LRP4: variants seen among roughly 807,000 people sequenced by gnomAD.
LRP4 encodes LDL receptor related protein 4.
In LRP4, 95 loss-of-function variants were observed where a neutral mutation model predicts 220.3. The observed-to-expected ratio is 0.43, with a 90% CI of 0.37 to 0.51. The LOEUF is 0.51. Among genes scored for constraint, LRP4 ranks in the 20% least tolerant of loss-of-function variants. The pLI, the probability that LRP4 is intolerant of heterozygous loss-of-function variation, is 0.00. For missense variants in LRP4, 1,925 were observed against 2,567.0 expected, an observed-to-expected ratio of 0.75 and a Z score of 5.40; for synonymous variants, 903 against 954.6, an observed-to-expected ratio of 0.95 and a Z score of 1.00.
chr11:46,896,499 A>G (rs909205946), intron 8 of LRP4, among the ~76,000 whole-genome samples, 164 bp from the exon 9 acceptor site: 2 of 152,212 alleles, frequency 1.3e-5, no homozygotes, highest in African/African-American at 2.4e-5. Flanking sequence ...GAATGTCTGC[A>G]TTTGCTTTCT....
intron 22 of LRP4, 122 bp from the exon 23 acceptor site, chr11:46,877,461 GTTAT>G: frequency 1.9e-6 from 2 of 1,042,950 alleles, no homozygotes; most frequent in Non-Finnish European, 2.9e-6. Context: ...TTCTAGGCAA[GTTAT>G]TTAAATTATT....
intron 22 of LRP4, 25 bp from the exon 23 acceptor site, chr11:46,877,364 G>T (rs1322923818): frequency 6.2e-7 from 1 of 1,613,568 alleles, no homozygotes; most frequent in African/African-American, 1.3e-5. Flanking sequence ...GGAGGGAAGA[G>T]GATCACTCGA....
chr11:46,867,144 A>G (rs1306197600), intron 34 of LRP4, among the ~76,000 whole-genome samples: 1 of 152,136 alleles, frequency 6.6e-6, no homozygotes, highest in Non-Finnish European at 1.5e-5. Context: ...CTTTAATTTA[A>G]TGAAATAAGA....
At chr11:46,917,415 C>T (rs1052509060) in intron 1 of LRP4, among the ~76,000 whole-genome samples, 2 of 152,150 alleles carry the variant, frequency 1.3e-5, no homozygotes, top group African/African-American at 4.8e-5. Flanking sequence ...CGGGGTGCAC[C>T]CAGGGTCGTT....
At position 46,899,837 on chromosome 11, in the gene LRP4, T is replaced by C. The variant is rs1051023162; in HGVS notation, c.430+26A>G. 6.2e-7 allele frequency: 1 copy of C among 1,604,338 alleles called. No individual in the cohort carries two copies. Among genetic ancestry groups the C allele is most frequent in the Admixed American group, 1.7e-5 (1 of 60,026 alleles). On this transcript the variant is annotated intron_variant, in intron 4 of 37. Transcript: ENST00000378623. This position sits in a 1 kb window ranked among gnomAD's most constrained non-coding sequence, Gnocchi z 5.9. The stretch of plus-strand genomic sequence containing the variant: ...CAGGCCACCCACTGGCCACCTTGCC[T>C]GCCTTCCCCCGTTGGGGTCACCCAC...
intron 19 of LRP4, among the ~76,000 whole-genome samples, 177 bp from the exon 20 acceptor site, chr11:46,882,080 T>A (rs537643469): frequency 6.6e-6 from 1 of 152,230 alleles, no homozygotes; most frequent in South Asian, 2.1e-4. Flanking sequence ...TTGTCTTCTA[T>A]TACTATCAAA....
chr11:46,865,566 G>A (rs1317508649), intron 34 of LRP4, among the ~76,000 whole-genome samples: 1 of 152,150 alleles, frequency 6.6e-6, no homozygotes, highest in Non-Finnish European at 1.5e-5. Flanking sequence ...ATTATCACAA[G>A]AGCTAAATAT....
At position 46,889,428 on chromosome 11, in the gene LRP4, C is replaced by T. The variant is rs1185594206; in HGVS notation, c.2198G>A (p.Ser733Asn). The T allele has an allele frequency of 1.2e-6, 2 of 1,614,136 alleles. No homozygotes were observed. The highest frequency in any genetic ancestry group is 1.7e-6 in the Non-Finnish European group (2 of 1,180,042). ...CCACTTACTCTGGGCACAGGCGTGG[C>T]TGCTGATCTTGCGGAAGCCAGTGGG... is the stretch of plus-strand genomic sequence containing the variant. ...ACPTGFRKIS[S>N]HACAQSLDKF... Residue 733 changes from serine to asparagine, a missense_variant, in exon 16 of 38, where the codon AGC becomes AAC. Ser to Asn is a conservative substitution (Grantham distance 46). This residue lies in a region of LRP4 where 1,244 missense variants were observed against 1,624.9 expected (regional missense o/e 0.77). Transcript: ENST00000378623.
chr11:46,898,388 G>A (rs1941588331), intron 7 of LRP4, among the ~76,000 whole-genome samples, 170 bp downstream of exon 7: 1 of 152,168 alleles, frequency 6.6e-6, no homozygotes, highest in East Asian at 1.9e-4. Context: ...GTTTAACCAT[G>A]TTACCCAGGC....
chr11:46,859,659 A>G (rs1353864240), intron 37 of LRP4, among the ~76,000 whole-genome samples: 1 of 152,136 alleles, frequency 6.6e-6, no homozygotes, highest in African/African-American at 2.4e-5. Context: ...CAGTATCCAC[A>G]CCTCACAACC....
chr11:46,905,371 G>T (rs973588095), intron 1 of LRP4, among the ~76,000 whole-genome samples: 1 of 152,150 alleles, frequency 6.6e-6, no homozygotes, highest in Admixed American at 6.5e-5. Flanking sequence ...GGGACTCCCC[G>T]GTACACAGAT....
Position 46,918,150 on chromosome 11 carries a change from G to A in LRP4, c.52+178C>T, listed in dbSNP as rs1343991299. Among the ~76,000 whole-genome samples, 2 of 151,824 alleles carry A rather than the reference G, an allele frequency of 1.3e-5. No homozygotes were observed. The highest frequency in any genetic ancestry group is 2.0e-4 in the East Asian group (1 of 5,082). On this transcript the variant is annotated intron_variant, in intron 1 of 37. Coordinates refer to ENST00000378623, the MANE Select transcript of LRP4 (RefSeq NM_002334.4). This position sits in a 1 kb window ranked among gnomAD's most constrained non-coding sequence, Gnocchi z 6.0. The stretch of plus-strand genomic sequence containing the variant: ...CGGAAGCGCCTCCGCTGATGCCCCC[G>A]CTCGGACTGCTGGAGCCGGGGCCGC...
chr11:46,885,275 G>C (rs1465639960), intron 18 of LRP4, among the ~76,000 whole-genome samples: 1 of 152,124 alleles, frequency 6.6e-6, no homozygotes, highest in Non-Finnish European at 1.5e-5. Flanking sequence ...AGGATTATAG[G>C]TGTGAGCCAC....
chr11:46,898,836 G>A, intron 6 of LRP4, 68 bp downstream of exon 6: 2 of 1,610,718 alleles, frequency 1.2e-6, no homozygotes, highest in Non-Finnish European at 1.7e-6. Context: ...GCTGGCGACT[G>A]TGCCTTGCCA....
At chr11:46,888,726 G>A (rs939878091) in intron 16 of LRP4, among the ~76,000 whole-genome samples, 1 of 152,126 alleles carries the variant, frequency 6.6e-6, no homozygotes, top group Admixed American at 6.5e-5. Context: ...GGGTCAGTGG[G>A]GTACACAGCA....
chr11:46,894,564 C>T (rs1213831256), intron 12 of LRP4, 25 bp downstream of exon 12: 4 of 1,561,174 alleles, frequency 2.6e-6, no homozygotes, highest in Admixed American at 3.7e-5. Flanking sequence ...GGCTCTGCCC[C>T]TCTCCATGGG....
chr11:46,917,822 C>T (rs1305680161), intron 1 of LRP4, among the ~76,000 whole-genome samples: 1 of 152,124 alleles, frequency 6.6e-6, no homozygotes, highest in Non-Finnish European at 1.5e-5. Context: ...AATCGTTCTC[C>T]GAGTAGAGGA....
rs1399408640 is a variant in LRP4, at chr11:46,898,953, G to A, written c.627C>T (p.His209=). 28 of 1,613,752 alleles carry A rather than the reference G, an allele frequency of 1.7e-5. No individual in the cohort carries two copies. Among genetic ancestry groups the A allele is most frequent in the Non-Finnish European group, 2.3e-5 (27 of 1,179,986 alleles). ...AYGRCILDIY[H]CDGDDDCGDW... is the part of the protein sequence containing the mutation. ...CTCCACAGTCATCGTCGCCATCGCA[G>A]TGGTAGATGTCGAGGATGCAGCGTC... The change falls in exon 6 of 38, where the codon CAC becomes CAT. Residue 209 remains histidine (H), a synonymous_variant. Transcript: ENST00000378623.
intron 16 of LRP4, 145 bp downstream of exon 16, chr11:46,889,266 C>T (rs899474738): frequency 1.8e-6 from 2 of 1,115,468 alleles, no homozygotes; most frequent in African/African-American, 1.5e-5. Flanking sequence ...GAAGATCCCT[C>T]AGCCTCTTAA....
Sources: allele counts gnomAD v4.1 joint callset (sites outside exome capture counted in the v4.1 genomes callset), GRCh38; gene constraint gnomAD v4.1.1; regional missense constraint gnomAD v4.1.1; non-coding constraint Gnocchi (gnomAD v3.1); transcripts MANE v1.5; gene names NCBI Gene and HGNC (gene_info 2026-07-23, HGNC 2026-07-21).